MAPK6: variants seen among roughly 807,000 people sequenced by gnomAD.
MAPK6 encodes the protein mitogen-activated protein kinase 6.
A neutral mutation model predicts 59.3 loss-of-function variants in MAPK6; 19 were observed. The observed-to-expected ratio is 0.32, with a 90% CI of 0.22 to 0.47. MAPK6 has a LOEUF of 0.47. MAPK6 is among the 20% of genes least tolerant of loss of function. MAPK6 has a pLI of 1.00. For synonymous variants in MAPK6, 316 were observed against 290.3 expected, an observed-to-expected ratio of 1.09 and a Z score of -0.90; for missense variants, 724 against 847.9, an observed-to-expected ratio of 0.85 and a Z score of 1.81.
intron 3 of MAPK6, chr15:52,011,122 C>T (rs1223954744): frequency 6.6e-6 from 1 of 152,218 alleles, no homozygotes; most frequent in Non-Finnish European, 1.5e-5. Flanking sequence ...TTGAGTCACC[C>T]TACGGGAACG....
chr15:52,025,528 C>G (rs1482305771), intron 1 of MAPK6, among the ~76,000 whole-genome samples: 1 of 152,210 alleles, frequency 6.6e-6, no homozygotes. Context: ...TGGGGCTGGG[C>G]GCCGTGGCTC....
intron 1 of MAPK6, among the ~76,000 whole-genome samples, chr15:52,033,035 T>C (rs2031101015): frequency 6.6e-6 from 1 of 152,180 alleles, no homozygotes. Context: ...AGGCTGGTCT[T>C]GAACTCAAGT....
chr15:52,040,455 G>A (rs970648907), intron 1 of MAPK6, among the ~76,000 whole-genome samples: 8 of 152,220 alleles, frequency 5.3e-5, no homozygotes, highest in Non-Finnish European at 1.0e-4. Context: ...ATCCTGAGAA[G>A]CAGCAGAGCA....
intron 2 of MAPK6, among the ~76,000 whole-genome samples, chr15:51,984,447 ATT>A (rs71130112): frequency 3.6e-4 from 25 of 69,976 alleles, no homozygotes; most frequent in African/African-American, 1.2e-3. Flanking sequence ...ACGCCGGCTA[ATT>A]TTTTTTTTTT....
chr15:52,043,742 A>AT (rs71130125), intron 1 of MAPK6, among the ~76,000 whole-genome samples: 5,403 of 40,678 alleles, frequency 0.13, 1,476 homozygotes, highest in Non-Finnish European at 0.18. Flanking sequence ...AAGTTGTTTG[A>AT]TTTTTTTTTT....
At chr15:51,974,811 G>A (rs1374090247) in intron 1 of MAPK6, among the ~76,000 whole-genome samples, 7 of 150,370 alleles carry the variant, frequency 4.7e-5, no homozygotes, top group East Asian at 2.0e-4. Context: ...TCCGCCTCCC[G>A]GCTTCAAGTG....
chr15:52,039,498 G>C (rs1454972472), intron 1 of MAPK6, among the ~76,000 whole-genome samples: 1 of 147,978 alleles, frequency 6.8e-6, no homozygotes. Flanking sequence ...AGTAGTAGGT[G>C]AGTGTTTTGT....
rs76995965 is a variant in MAPK6 at position 52,054,802 on chromosome 15, G to A, written c.701-3831G>A. ...CATATATATATAATTTTTTTTTTCC[G>A]AGACTGAGTCTTCCTCTTGTTGCCT... On this transcript the variant is annotated intron_variant, in intron 3 of 5. Transcript: ENST00000261845. Among the ~76,000 whole-genome samples the A allele has an allele frequency of 5.1e-4, 76 of 148,480 alleles. 1 individual carries two copies. The East Asian group carries it at 0.013, about 26-fold the overall frequency.
intron 1 of MAPK6, among the ~76,000 whole-genome samples, chr15:52,032,890 G>T (rs1027702114): frequency 7.9e-5 from 12 of 152,036 alleles, no homozygotes; most frequent in African/African-American, 2.7e-4. Flanking sequence ...TCTCCATGTT[G>T]GTCAGGCTGG....
intron 2 of MAPK6, among the ~76,000 whole-genome samples, chr15:51,984,360 C>G (rs1448085585): frequency 6.6e-6 from 1 of 151,638 alleles, no homozygotes; most frequent in African/African-American, 2.4e-5. Flanking sequence ...CGGCTCACTG[C>G]AAGCTCCGCC....
At chr15:51,996,780 A>C (rs2057225601) in intron 2 of MAPK6, among the ~76,000 whole-genome samples, 1 of 143,526 alleles carries the variant, frequency 7.0e-6, no homozygotes, top group East Asian at 2.1e-4. Flanking sequence ...GCAGCCTGCA[A>C]CTCCTGGGCT....
At chr15:52,012,912 G>A (rs549595454) in intron 3 of MAPK6, among the ~76,000 whole-genome samples, 10 of 148,268 alleles carry the variant, frequency 6.7e-5, no homozygotes, top group Non-Finnish European at 5.9e-5. Context: ...CCTTGAACCC[G>A]GGAGGCGGAG....
intron 1 of MAPK6, among the ~76,000 whole-genome samples, chr15:52,040,155 G>A (rs1208174813): frequency 6.6e-6 from 1 of 152,228 alleles, no homozygotes; most frequent in African/African-American, 2.4e-5. Flanking sequence ...GCTTTGATGA[G>A]AGCTTGAGAC....
intron 2 of MAPK6, among the ~76,000 whole-genome samples, chr15:51,983,833 C>T (rs941695793): frequency 1.8e-4 from 28 of 152,044 alleles, no homozygotes; most frequent in African/African-American, 6.0e-4. Flanking sequence ...AATAATAAGA[C>T]AGCCTTTTGA....
intron 2 of MAPK6, among the ~76,000 whole-genome samples, chr15:51,997,909 T>G (rs2057229731): frequency 6.6e-6 from 1 of 150,554 alleles, no homozygotes; most frequent in South Asian, 2.1e-4. Context: ...TTATTTTCTT[T>G]CTTTTCTTTC....
chr15:52,040,938 A>G (rs2031399226), intron 1 of MAPK6, among the ~76,000 whole-genome samples: 1 of 152,228 alleles, frequency 6.6e-6, no homozygotes, highest in Non-Finnish European at 1.5e-5. Context: ...CATTTTATTC[A>G]CCAAATTTTT....
At chr15:52,036,454 T>C (rs766349960) in intron 1 of MAPK6, among the ~76,000 whole-genome samples, 15 of 151,988 alleles carry the variant, frequency 9.9e-5, no homozygotes, top group Non-Finnish European at 4.4e-5. Context: ...CTGGTGAGGG[T>C]CTCCTTTCTG....
intron 1 of MAPK6, among the ~76,000 whole-genome samples, chr15:52,038,692 A>G (rs1385014580): frequency 1.3e-5 from 2 of 152,186 alleles, no homozygotes; most frequent in Non-Finnish European, 2.9e-5. Flanking sequence ...ATTTGCTCCA[A>G]TATTTCTTTA....
chr15:52,001,599 G>A (rs941899498), intron 2 of MAPK6, among the ~76,000 whole-genome samples: 3 of 145,552 alleles, frequency 2.1e-5, no homozygotes, highest in Non-Finnish European at 4.5e-5. Flanking sequence ...ACCTCCTCCT[G>A]CTGGGTTCAA....
Sources: gnomAD v4.1 joint callset for allele counts (sites outside exome capture counted in the v4.1 genomes callset) on GRCh38, gnomAD v4.1.1 for gene constraint, MANE v1.5 for transcripts, NCBI Gene and HGNC (gene_info 2026-07-23, HGNC 2026-07-21) for gene names.